XKR6: variants seen among roughly 807,000 people sequenced by gnomAD.
XKR6 encodes XK related 6.
In XKR6, 22 loss-of-function variants were observed where a neutral mutation model predicts 56.7. The ratio of observed to expected loss-of-function variants is 0.39; its 90% CI spans 0.28 to 0.55. The LOEUF is 0.55. Among genes scored for constraint, XKR6 ranks in the 20% least tolerant of loss-of-function variants. The pLI is 0.66. For missense variants in XKR6, 852 were observed against 889.0 expected, an observed-to-expected ratio of 0.96 and a Z score of 0.53; for synonymous variants, 524 against 387.8, an observed-to-expected ratio of 1.35 and a Z score of -4.13.
rs976201250 is a variant in XKR6 at position 11,030,199 on chromosome 8, G to A, written c.765-105369C>T. Among the ~76,000 whole-genome samples the A allele has an allele frequency of 7.9e-5, 12 of 152,064 alleles. No homozygotes were observed. The East Asian group carries it at 1.9e-3, about 24-fold the overall frequency. Reference sequence around the variant, plus strand: ...CCGAGTTGGGCTCATTTCCACCTCCGCGTGGCTCCACATACAGTCCCCTGG... The same window carrying A: ...CCGAGTTGGGCTCATTTCCACCTCCACGTGGCTCCACATACAGTCCCCTGG... On this transcript the variant is annotated intron_variant, in intron 1 of 2. Transcript: ENST00000416569.
chr8:11,061,659 G>A (rs541610497), intron 1 of XKR6, among the ~76,000 whole-genome samples: 10 of 152,182 alleles, frequency 6.6e-5, no homozygotes, highest in African/African-American at 2.2e-4. Flanking sequence ...CTGGTGGGAG[G>A]GCATGTCCTG....
At chr8:11,097,987 G>A (rs1009599735) in intron 1 of XKR6, among the ~76,000 whole-genome samples, 2 of 151,974 alleles carry the variant, frequency 1.3e-5, no homozygotes, top group Non-Finnish European at 2.9e-5. Context: ...ATCAACTGGT[G>A]AGACTGGTGA....
intron 1 of XKR6, among the ~76,000 whole-genome samples, chr8:11,039,609 AC>A (rs1306324524): frequency 6.6e-6 from 1 of 152,220 alleles, no homozygotes; most frequent in Non-Finnish European, 1.5e-5. Flanking sequence ...GGTGGATGGA[AC>A]AAGACCTTCT....
In XKR6 at chr8:11,201,142, G is replaced by A. The variant is rs749106965; in HGVS notation, c.198C>T (p.Tyr66=). The A allele has an allele frequency of 5.6e-5, 83 of 1,495,308 alleles. 2 individuals carry two copies. In the South Asian group the frequency reaches 6.6e-4, roughly 12 times the overall value. 92.6% of individuals were successfully genotyped at this position (1,495,308 alleles called of 1,614,324 possible). A position where few individuals can be genotyped will look rare whatever the true frequency, so the allele number is the denominator to read the frequency against. The change falls in exon 1 of 3, where the codon TAC becomes TAT. Residue 66 remains tyrosine (Y), a synonymous_variant. Coordinates refer to ENST00000416569, the MANE Select transcript of XKR6 (RefSeq NM_173683.4). ...GCAGGCAGGCGGAGCGGCAGCCCCA[G>A]TAGCACGAGGAGGTGTTGCAGCAGT... ...ICHCCNTSSC[Y]WGCRSACLRS...
intron 1 of XKR6, among the ~76,000 whole-genome samples, chr8:10,984,697 T>TCC (rs1797813721): frequency 3.0e-5 from 1 of 33,710 alleles, no homozygotes; most frequent in Non-Finnish European, 6.1e-5. Context: ...AATACATGGC[T>TCC]CTCTCTCTCT....
At chr8:11,198,205 T>C (rs955208445) in intron 1 of XKR6, among the ~76,000 whole-genome samples, 2 of 152,208 alleles carry the variant, frequency 1.3e-5, no homozygotes, top group African/African-American at 2.4e-5. Context: ...AGCTTTTACA[T>C]ATGAATGATT....
intron 2 of XKR6, among the ~76,000 whole-genome samples, chr8:10,907,753 G>A (rs2129109024): frequency 6.6e-6 from 1 of 152,312 alleles, no homozygotes; most frequent in East Asian, 1.9e-4. Context: ...GTTAACATAT[G>A]TCAGCCCTCT....
intron 1 of XKR6, among the ~76,000 whole-genome samples, chr8:11,050,586 AAGAG>A (rs1491323062): frequency 7.7e-6 from 1 of 130,160 alleles, no homozygotes. Flanking sequence ...AAAAAAAAAA[AAGAG>A]AGAGAGAACC....
chr8:10,956,277 A>G (rs1369301909), intron 1 of XKR6, among the ~76,000 whole-genome samples: 1 of 152,192 alleles, frequency 6.6e-6, no homozygotes, highest in Non-Finnish European at 1.5e-5. Context: ...TCCGGTTGTC[A>G]TCACGGTCAT....
chr8:10,976,875 A>C (rs1408622038), intron 1 of XKR6, among the ~76,000 whole-genome samples: 3 of 152,042 alleles, frequency 2.0e-5, no homozygotes, highest in African/African-American at 7.2e-5. Context: ...TGGCTGCCTG[A>C]GCCCCAGTGG....
Position 10,898,520 on chromosome 8 carries a change from T to C in XKR6, c.1358A>G (p.Asn453Ser). The C allele has an allele frequency of 6.2e-7, 1 of 1,614,090 alleles. No homozygotes were observed. Among genetic ancestry groups the C allele is most frequent in the Non-Finnish European group, 8.5e-7 (1 of 1,180,024 alleles). Residue 453 changes from asparagine (N) to serine (S), a missense_variant, in exon 3 of 3, where the codon AAT becomes AGT. Physicochemically the swap from Asn to Ser is conservative, Grantham distance 46. This residue lies in a region of XKR6 where 197 missense variants were observed against 190.9 expected (regional missense o/e 1.03). Coordinates refer to ENST00000416569, the MANE Select transcript of XKR6 (RefSeq NM_173683.4). The surrounding 1 kb of genome is among the most constrained non-coding windows in gnomAD (Gnocchi z 6.6). ...ATACCAAAGGAACGTCAAGGCAGCA[T>C]TCTCGGTCAAGACTATCGTATAATA... ...FAYYTIVLTENAALTFLWYFY... is the reference protein window; with the variant it reads ...FAYYTIVLTESAALTFLWYFY...
intron 1 of XKR6, among the ~76,000 whole-genome samples, chr8:11,096,895 C>G (rs1302418476): frequency 6.6e-6 from 1 of 152,224 alleles, no homozygotes; most frequent in African/African-American, 2.4e-5. Flanking sequence ...GAAAATCTAG[C>G]TGGAATGAAG....
intron 1 of XKR6, among the ~76,000 whole-genome samples, chr8:10,948,556 C>T (rs933200720): frequency 5.9e-5 from 9 of 152,088 alleles, no homozygotes; most frequent in African/African-American, 1.4e-4. Context: ...AGGGCCTGGT[C>T]GGCTGCCCAG....
At chr8:11,160,630 C>T (rs912053759) in intron 1 of XKR6, among the ~76,000 whole-genome samples, 2 of 152,070 alleles carry the variant, frequency 1.3e-5, no homozygotes, top group African/African-American at 4.8e-5. Flanking sequence ...GGTTCACAGG[C>T]TGGGCGTGGT....
intron 1 of XKR6, among the ~76,000 whole-genome samples, chr8:10,960,810 G>T (rs1480818887): frequency 6.6e-6 from 1 of 152,208 alleles, no homozygotes; most frequent in Admixed American, 6.5e-5. Context: ...CACAGCGTAA[G>T]GGCCTGTGAA....
At chr8:11,074,549 G>A (rs191522781) in intron 1 of XKR6, among the ~76,000 whole-genome samples, 3 of 152,298 alleles carry the variant, frequency 2.0e-5, no homozygotes, top group East Asian at 1.9e-4. Flanking sequence ...GATTATGGAG[G>A]TCCATCCCTC....
At chr8:11,078,334 G>A (rs1800327542) in intron 1 of XKR6, among the ~76,000 whole-genome samples, 2 of 152,130 alleles carry the variant, frequency 1.3e-5, no homozygotes, top group South Asian at 4.2e-4. Context: ...GAGACCCAGA[G>A]AGCTCCTGCC....
chr8:10,978,044 T>A (rs1802620034), intron 1 of XKR6, among the ~76,000 whole-genome samples: 1 of 152,048 alleles, frequency 6.6e-6, no homozygotes, highest in Non-Finnish European at 1.5e-5. Flanking sequence ...TTATTTAGCC[T>A]CCTTCCCATT....
chr8:11,056,664 C>G (rs1799692960), intron 1 of XKR6, among the ~76,000 whole-genome samples: 1 of 152,262 alleles, frequency 6.6e-6, no homozygotes, highest in Non-Finnish European at 1.5e-5. Flanking sequence ...GAGGCAGCCA[C>G]ACAAGTGCAG....
Sources: allele counts gnomAD v4.1 joint callset (sites outside exome capture counted in the v4.1 genomes callset), GRCh38; gene constraint gnomAD v4.1.1; regional missense constraint gnomAD v4.1.1; non-coding constraint Gnocchi (gnomAD v3.1); transcripts MANE v1.5; gene names NCBI Gene and HGNC (gene_info 2026-07-23, HGNC 2026-07-21).